COPG2: variants seen among roughly 807,000 people sequenced by gnomAD.
The protein encoded by COPG2 is coat protein complex I subunit gamma 2.
A neutral mutation model predicts 46.3 loss-of-function variants in COPG2; 37 were observed. That is an observed-to-expected ratio of 0.80 (90% confidence interval 0.61 to 1.05). The LOEUF is 1.05. Ranked by LOEUF, COPG2 falls within the 50% of genes least tolerant of loss-of-function variation. COPG2 has a pLI of 0.00. For missense variants in COPG2, 427 were observed against 387.8 expected (o/e 1.10, Z -0.85); for synonymous variants, 159 against 129.7 (o/e 1.23, Z -1.53).
Position 130,668,629 on chromosome 7 carries a change from T to C in COPG2, c.37+3A>G. 1 of 1,534,614 alleles carries C rather than the reference T, an allele frequency of 6.5e-7. No individual in the cohort carries two copies. The highest frequency in any genetic ancestry group is 8.8e-7 in the Non-Finnish European group (1 of 1,142,740). Reference sequence around the variant, plus strand: ...GGGTGGGCCTCGGAAGCCCCGCGCGTACCAGACTCCTCGTCCTTCTTGTCG... The same window carrying C: ...GGGTGGGCCTCGGAAGCCCCGCGCGCACCAGACTCCTCGTCCTTCTTGTCG... On this transcript the variant is annotated splice_donor_region_variant and intron_variant, in intron 1 of 23. Transcript: ENST00000425248.
intron 9 of COPG2, among the ~76,000 whole-genome samples, chr7:130,572,101 G>C (rs1554445634): frequency 1.3e-5 from 2 of 152,012 alleles, no homozygotes; most frequent in Non-Finnish European, 2.9e-5. Context: ...GGGAAGAGAG[G>C]GAGGGGAGTA....
At chr7:130,511,883 C>T (rs781911510) in intron 20 of COPG2, 1 of 516,704 alleles carries the variant, frequency 1.9e-6, no homozygotes, top group African/African-American at 1.9e-5. Context: ...AAAGGACTTG[C>T]TTGATAGGAA....
chr7:130,571,300 A>G (rs782205176), intron 9 of COPG2, among the ~76,000 whole-genome samples: 50 of 152,244 alleles, frequency 3.3e-4, no homozygotes, highest in Admixed American at 2.0e-4. Context: ...GGTGCATCTG[A>G]TAAAGGACTG....
intron 5 of COPG2, among the ~76,000 whole-genome samples, chr7:130,647,466 CTT>C (rs1795636265): frequency 6.6e-6 from 1 of 152,076 alleles, no homozygotes; most frequent in Non-Finnish European, 1.5e-5. Context: ...CTTGTACAGT[CTT>C]TTTTGTGGCC....
intron 9 of COPG2, chr7:130,608,170 T>G (rs1554451535): frequency 6.9e-6 from 3 of 434,578 alleles, no homozygotes; most frequent in Non-Finnish European, 1.4e-5. Flanking sequence ...ATTACAATAT[T>G]CATCCTTATC....
At chr7:130,507,511 T>TA in intron 22 of COPG2, 139 bp from the exon 23 acceptor site, 1 of 681,818 alleles carries the variant, frequency 1.5e-6, no homozygotes. Flanking sequence ...GGGAGGCTAC[T>TA]ACTGGACTAG....
chr7:130,618,535 A>G (rs1013561469), intron 5 of COPG2, among the ~76,000 whole-genome samples: 2 of 152,212 alleles, frequency 1.3e-5, no homozygotes, highest in Admixed American at 1.3e-4. Context: ...AGTCTCTACT[A>G]TATTTCCACA....
At position 130,558,910 on chromosome 7, in the gene COPG2, T is replaced by G. The variant is rs1162457884; in HGVS notation, c.1128+2123A>C. On this transcript the variant is annotated intron_variant, in intron 12 of 23. Coordinates refer to ENST00000425248, the MANE Select transcript of COPG2 (RefSeq NM_012133.6). The stretch of plus-strand genomic sequence containing the variant: ...TTTATAGCATATATAATAAAAAAAT[T>G]CAATGGACCAGAGATCTAAATGTAA... Among the ~76,000 whole-genome samples, 7 of 152,232 alleles carry G rather than the reference T, an allele frequency of 4.6e-5. 1 individual carries two copies. In the South Asian group the frequency reaches 1.5e-3, roughly 32 times the overall value.
intron 12 of COPG2, among the ~76,000 whole-genome samples, chr7:130,557,721 AG>A (rs1793650293): frequency 6.7e-6 from 1 of 149,210 alleles, no homozygotes; most frequent in African/African-American, 2.5e-5. Flanking sequence ...AGGCTGAGGC[AG>A]GAGAATCGCT....
chr7:130,557,326 A>G (rs1437521651), intron 12 of COPG2, among the ~76,000 whole-genome samples: 1 of 152,214 alleles, frequency 6.6e-6, no homozygotes, highest in Non-Finnish European at 1.5e-5. Flanking sequence ...AATATTTTTT[A>G]TAAAACATTC....
chr7:130,536,336 G>T (rs1040631998), intron 20 of COPG2, among the ~76,000 whole-genome samples: 20 of 152,224 alleles, frequency 1.3e-4, no homozygotes, highest in Non-Finnish European at 2.5e-4. Flanking sequence ...AGGGAGTCAA[G>T]GTGGCCGTCC....
In COPG2 at chr7:130,554,490, C is replaced by T. The variant is rs1235419298; in HGVS notation, c.1459G>A (p.Val487Ile). The T allele has an allele frequency of 5.0e-6, 2 of 398,484 alleles. No individual in the cohort carries two copies. The highest frequency in any genetic ancestry group is 8.8e-6 in the Non-Finnish European group (2 of 226,050). 24.7% of individuals were successfully genotyped at this position (398,484 alleles called of 1,614,324 possible). Residue 487 changes from valine to isoleucine, a missense_variant, in exon 14 of 24, where the codon GTC becomes ATC. By Grantham distance (29) the Val-to-Ile change is conservative. Transcript: ENST00000425248. ...TGTCCCAATGACTCACCAGCTCTGA[C>T]AGCCTCATTCTCCAGGACAACCCTA... ...FNRVVLENEA[V>I]RAAAVSALAK... is the part of the protein sequence containing the mutation.
intron 20 of COPG2, among the ~76,000 whole-genome samples, chr7:130,537,656 G>C (rs1318089482): frequency 2.6e-5 from 4 of 152,216 alleles, no homozygotes; most frequent in African/African-American, 9.6e-5. Flanking sequence ...GGTTATGGAG[G>C]CCAGCAGCTT....
chr7:130,667,542 T>C lies in COPG2; in HGVS notation c.38-8A>G, dbSNP rs1584624224. ...AAGGATTGGAGCCACTACCTATTTA[T>C]AAAACAAAACAAAAAAATGTCCTGA... On this transcript the variant is annotated splice_region_variant and splice_polypyrimidine_tract_variant and intron_variant, in intron 1 of 23. Coordinates refer to ENST00000425248, the MANE Select transcript of COPG2 (RefSeq NM_012133.6). The C allele has an allele frequency of 1.2e-6, 2 of 1,612,488 alleles. No individual in the cohort carries two copies. Among genetic ancestry groups the C allele is most frequent in the Non-Finnish European group, 1.7e-6 (2 of 1,179,050 alleles).
intron 20 of COPG2, among the ~76,000 whole-genome samples, chr7:130,518,998 T>G (rs1466717338): frequency 1.3e-5 from 1 of 75,514 alleles, no homozygotes; most frequent in Non-Finnish European, 2.5e-5. Context: ...AGAGTGAGAC[T>G]CTGTCTCAAA....
At position 130,610,977 on chromosome 7, in the gene COPG2, C is replaced by T. The variant is rs782050707; in HGVS notation, c.713G>A (p.Arg238His). The T allele has an allele frequency of 1.7e-5, 28 of 1,613,832 alleles. No homozygotes were observed. In the East Asian group the frequency reaches 1.8e-4, roughly 10 times the overall value. The change falls in exon 9 of 24, where the codon CGC becomes CAC. Residue 238 changes from arginine to histidine, a missense_variant. Coordinates refer to ENST00000425248, the MANE Select transcript of COPG2 (RefSeq NM_012133.6). Reference sequence around the variant, plus strand: ...CCCATCCTCAGTTTCTTTTAGTAAGCGACTGGCAATTCGGATCAGCATGCA... The same window carrying T: ...CCCATCCTCAGTTTCTTTTAGTAAGTGACTGGCAATTCGGATCAGCATGCA... ...AYCMLIRIAS[R>H]LLKETEDGHE...
Position 130,609,994 on chromosome 7 carries a change from A to G in COPG2, c.737+959T>C, listed in dbSNP as rs1164322172. ...GTGTTCACTTTAGAGAAGTTGTTTA[A>G]AAGTCACTGCCTAGTAATTTCTAAA... On this transcript the variant is annotated intron_variant, in intron 9 of 23. Transcript: ENST00000425248. The G allele has an allele frequency of 1.4e-5, 7 of 487,830 alleles. No individual in the cohort carries two copies. In the Middle Eastern group the frequency reaches 1.0e-3, roughly 70 times the overall value. The allele number at this position is 487,830 out of a possible 1,614,324, so 30.2% of individuals were successfully genotyped here.
At chr7:130,537,451 G>C (rs1223684359) in intron 20 of COPG2, among the ~76,000 whole-genome samples, 2 of 150,318 alleles carry the variant, frequency 1.3e-5, no homozygotes, top group Non-Finnish European at 3.0e-5. Context: ...CAGAATCGCA[G>C]GTGGTGCTGA....
chr7:130,577,705 G>C (rs535948531), intron 9 of COPG2, among the ~76,000 whole-genome samples: 1 of 148,298 alleles, frequency 6.7e-6, no homozygotes, highest in East Asian at 2.0e-4. Flanking sequence ...AGCTTGCAGT[G>C]AGCCGAGATT....
Sources: allele counts gnomAD v4.1 joint callset (sites outside exome capture counted in the v4.1 genomes callset), GRCh38; gene constraint gnomAD v4.1.1; transcripts MANE v1.5; gene names NCBI Gene and HGNC (gene_info 2026-07-23, HGNC 2026-07-21).